Variants in PDE1A observed in about 807,000 individuals in gnomAD.
PDE1A encodes the protein phosphodiesterase 1A.
In PDE1A, 35 loss-of-function variants were observed where a neutral mutation model predicts 61.7. The ratio of observed to expected loss-of-function variants is 0.57; its 90% CI spans 0.43 to 0.75. PDE1A has a LOEUF of 0.75. Ranked by LOEUF, PDE1A falls within the 30% of genes least tolerant of loss-of-function variation. The pLI is 0.00. For missense variants in PDE1A, 597 were observed against 630.6 expected (o/e 0.95, Z 0.57); for synonymous variants, 232 against 213.2 (o/e 1.09, Z -0.77).
chr2:182,634,207 T>C, the PDE1A span, among the ~76,000 whole-genome samples: 4 of 152,180 alleles, frequency 2.6e-5, no homozygotes, highest in Non-Finnish European at 5.9e-5. Flanking sequence ...ATACATCCTT[T>C]AAACATTCCA....
chr2:182,209,207 T>TGGTGGAA (rs1236252599), intron 7 of PDE1A, among the ~76,000 whole-genome samples: 1 of 152,108 alleles, frequency 6.6e-6, no homozygotes, highest in Non-Finnish European at 1.5e-5. Flanking sequence ...CTCACAATCA[T>TGGTGGAA]GGTGGAAGGT....
At position 182,264,797 on chromosome 2, in the gene PDE1A, A is replaced by C. The variant is rs190869709; in HGVS notation, c.54-383T>G. Among the ~76,000 whole-genome samples, 66 of 148,846 alleles carry C rather than the reference A, an allele frequency of 4.4e-4. 2 individuals carry two copies. In the East Asian group the frequency reaches 0.011, roughly 25 times the overall value. On this transcript the variant is annotated intron_variant, in intron 1 of 13. Coordinates refer to ENST00000351439, the Ensembl canonical transcript of PDE1A. ...AGAATATTCAAAGGACACTCTTCTT[A>C]ATTCACAGTTGCAAAAATATGGAAC...
the PDE1A span, among the ~76,000 whole-genome samples, chr2:182,549,161 A>C: frequency 6.6e-6 from 1 of 152,166 alleles, no homozygotes; most frequent in South Asian, 2.1e-4. Context: ...TTATGGAGAA[A>C]ATATTTCAAA....
At chr2:182,329,188 A>T (rs1318146297) in intron 1 of PDE1A, among the ~76,000 whole-genome samples, 1 of 152,172 alleles carries the variant, frequency 6.6e-6, no homozygotes, top group Non-Finnish European at 1.5e-5. Flanking sequence ...TGTAAAATTT[A>T]AATTGCCAAC....
At chr2:182,650,006 G>C in the PDE1A span, among the ~76,000 whole-genome samples, 1 of 152,220 alleles carries the variant, frequency 6.6e-6, no homozygotes, top group South Asian at 2.1e-4. Flanking sequence ...TTGAGCCCAG[G>C]AGTTTGAGGC....
At chr2:182,199,119 T>A (rs1024142282) in intron 10 of PDE1A, among the ~76,000 whole-genome samples, 1 of 151,992 alleles carries the variant, frequency 6.6e-6, no homozygotes, top group African/African-American at 2.4e-5. Flanking sequence ...ATCTAAGTTT[T>A]CAATTTTATT....
chr2:182,672,512 A>G, the PDE1A span, among the ~76,000 whole-genome samples: 1 of 152,254 alleles, frequency 6.6e-6, no homozygotes, highest in African/African-American at 2.4e-5. Flanking sequence ...CAAATATAAC[A>G]AAAAGAGAAT....
the PDE1A span, among the ~76,000 whole-genome samples, chr2:182,678,580 A>G: frequency 6.6e-6 from 1 of 152,230 alleles, no homozygotes; most frequent in African/African-American, 2.4e-5. Context: ...ACAACTACAA[A>G]CAATAAGATT....
the PDE1A span, among the ~76,000 whole-genome samples, chr2:182,578,060 T>C: frequency 3.9e-5 from 6 of 152,076 alleles, no homozygotes; most frequent in Non-Finnish European, 8.8e-5. Flanking sequence ...AAAGTGTCTT[T>C]GCACAAGGAC....
chr2:182,384,732 TA>T (rs1700930034), intron 1 of PDE1A, among the ~76,000 whole-genome samples: 1 of 151,936 alleles, frequency 6.6e-6, no homozygotes, highest in Non-Finnish European at 1.5e-5. Context: ...AAGTGAAATA[TA>T]AAGGGATAGA....
At chr2:182,593,885 T>C in the PDE1A span, among the ~76,000 whole-genome samples, 9 of 152,198 alleles carry the variant, frequency 5.9e-5, no homozygotes, top group South Asian at 2.1e-4. Context: ...CATATTTGAG[T>C]ATTCCCTTGT....
At chr2:182,582,243 T>G in the PDE1A span, among the ~76,000 whole-genome samples, 1 of 152,150 alleles carries the variant, frequency 6.6e-6, no homozygotes, top group Admixed American at 6.5e-5. Flanking sequence ...GGCAAGAATC[T>G]TCAAAGTTAT....
chr2:182,559,179 G>A, the PDE1A span, among the ~76,000 whole-genome samples: 1 of 152,050 alleles, frequency 6.6e-6, no homozygotes, highest in African/African-American at 2.4e-5. Context: ...CTGAATAAGT[G>A]AAAAGGTAAG....
intron 10 of PDE1A, among the ~76,000 whole-genome samples, chr2:182,189,672 AATAG>A (rs996311181): frequency 9.9e-5 from 15 of 152,176 alleles, no homozygotes; most frequent in Admixed American, 9.2e-4. Flanking sequence ...TCTCATCTAA[AATAG>A]ATTAATTGAG....
At chr2:182,700,926 C>G in the PDE1A span, among the ~76,000 whole-genome samples, 1 of 151,368 alleles carries the variant, frequency 6.6e-6, no homozygotes, top group Non-Finnish European at 1.5e-5. Flanking sequence ...CACACACACG[C>G]AAAAAAAGTA....
the PDE1A span, among the ~76,000 whole-genome samples, chr2:182,653,050 A>C: frequency 2.6e-5 from 4 of 152,202 alleles, no homozygotes; most frequent in Non-Finnish European, 4.4e-5. Flanking sequence ...CATTTCCCCC[A>C]GGAATATACT....
At chr2:182,321,557 T>A (rs887289414) in intron 1 of PDE1A, among the ~76,000 whole-genome samples, 1 of 152,114 alleles carries the variant, frequency 6.6e-6, no homozygotes, top group Admixed American at 6.6e-5. Flanking sequence ...GGATCAAAGA[T>A]GAGAGAGAGG....
intron 2 of PDE1A, among the ~76,000 whole-genome samples, chr2:182,241,277 C>T (rs1178952142): frequency 6.6e-6 from 1 of 152,214 alleles, no homozygotes. Context: ...CCAGCTCTGC[C>T]TGCCATTTGA....
intron 2 of PDE1A, among the ~76,000 whole-genome samples, chr2:182,470,205 G>A (rs986749818): frequency 5.9e-5 from 9 of 151,770 alleles, no homozygotes; most frequent in Non-Finnish European, 1.3e-4. Context: ...ATGAAATGAG[G>A]TGTTTATAGA....
Sources: gnomAD v4.1 joint callset for allele counts (sites outside exome capture counted in the v4.1 genomes callset) on GRCh38, gnomAD v4.1.1 for gene constraint, MANE v1.5 for transcripts, NCBI Gene and HGNC (gene_info 2026-07-23, HGNC 2026-07-21) for gene names.